The following MACROD2 variants were observed in gnomAD, a reference collection of about 807,000 sequenced individuals.
MACROD2 encodes ADP-ribose glycohydrolase MACROD2.
In MACROD2, 36 loss-of-function variants were observed where a neutral mutation model predicts 70.4. The ratio of observed to expected loss-of-function variants is 0.51; its 90% CI spans 0.39 to 0.68. MACROD2 has a LOEUF of 0.68. Ranked by LOEUF, MACROD2 falls within the 30% of genes least tolerant of loss-of-function variation. MACROD2 has a pLI of 0.00. For missense variants in MACROD2, 496 were observed against 538.4 expected (o/e 0.92, Z 0.78); for synonymous variants, 172 against 178.8 (o/e 0.96, Z 0.30).
At chr20:15,989,411 G>A (rs1254865300) in intron 15 of MACROD2, among the ~76,000 whole-genome samples, 2 of 152,164 alleles carry the variant, frequency 1.3e-5, no homozygotes, top group Non-Finnish European at 2.9e-5. Context: ...ATAGAAGGAA[G>A]CCAGGTGGAA....
intron 8 of MACROD2, among the ~76,000 whole-genome samples, chr20:15,737,580 A>ACAC (rs1257944395): frequency 6.6e-6 from 1 of 152,194 alleles, no homozygotes; most frequent in East Asian, 1.9e-4. Flanking sequence ...GTTAGCTCTT[A>ACAC]CACCGTGTCT....
chr20:14,990,309 A>T (rs567170487), intron 5 of MACROD2, among the ~76,000 whole-genome samples: 4 of 152,196 alleles, frequency 2.6e-5, no homozygotes, highest in Admixed American at 2.6e-4. Flanking sequence ...AAAAGGTGGA[A>T]CACAATTTGA....
chr20:15,108,408 T>C (rs1464847144), intron 5 of MACROD2, among the ~76,000 whole-genome samples: 1 of 152,208 alleles, frequency 6.6e-6, no homozygotes, highest in Non-Finnish European at 1.5e-5. Flanking sequence ...TATGCTTCTA[T>C]TTTAGCCAAA....
At chr20:14,965,375 C>T (rs1245557768) in intron 5 of MACROD2, among the ~76,000 whole-genome samples, 3 of 148,578 alleles carry the variant, frequency 2.0e-5, no homozygotes, top group African/African-American at 7.4e-5. Context: ...TACTTTTTTG[C>T]TGTTTCTTAA....
intron 2 of MACROD2, among the ~76,000 whole-genome samples, chr20:14,073,393 T>G (rs1027422242): frequency 3.3e-5 from 5 of 151,964 alleles, no homozygotes; most frequent in Admixed American, 6.6e-5. Flanking sequence ...TATCAACACA[T>G]TTAACTTTGG....
chr20:14,666,511 A>G (rs369517941), intron 4 of MACROD2, among the ~76,000 whole-genome samples: 38 of 152,208 alleles, frequency 2.5e-4, no homozygotes, highest in East Asian at 7.7e-4. Flanking sequence ...TCATTGTAGA[A>G]TATTTTTAAC....
At chr20:14,359,922 A>G (rs2083206145) in intron 3 of MACROD2, among the ~76,000 whole-genome samples, 1 of 151,236 alleles carries the variant, frequency 6.6e-6, no homozygotes, top group South Asian at 2.1e-4. Flanking sequence ...TTCAGCTTTG[A>G]AAAAAAAATG....
chr20:14,311,387 A>T (rs920921494), intron 3 of MACROD2, among the ~76,000 whole-genome samples: 2 of 152,166 alleles, frequency 1.3e-5, no homozygotes, highest in Non-Finnish European at 2.9e-5. Flanking sequence ...ACCATATCCT[A>T]GGTGTGTAGT....
At chr20:14,661,624 T>G (rs1200919821) in intron 4 of MACROD2, among the ~76,000 whole-genome samples, 1 of 151,936 alleles carries the variant, frequency 6.6e-6, no homozygotes, top group African/African-American at 2.4e-5. Context: ...AATCCCTTGC[T>G]GAGGCCAAGG....
At chr20:15,799,990 T>C (rs1221594077) in intron 8 of MACROD2, among the ~76,000 whole-genome samples, 1 of 152,050 alleles carries the variant, frequency 6.6e-6, no homozygotes, top group Non-Finnish European at 1.5e-5. Flanking sequence ...CTGATTGGAG[T>C]GTAGTGGTAT....
At chr20:15,057,083 A>C (rs145778553) in intron 5 of MACROD2, among the ~76,000 whole-genome samples, 1 of 152,336 alleles carries the variant, frequency 6.6e-6, no homozygotes, top group African/African-American at 2.4e-5. Flanking sequence ...TGTGTGTCTC[A>C]TTTTATGCCC....
At chr20:15,118,962 T>C (rs1380141020) in intron 5 of MACROD2, among the ~76,000 whole-genome samples, 1 of 152,188 alleles carries the variant, frequency 6.6e-6, no homozygotes, top group African/African-American at 2.4e-5. Flanking sequence ...CACATTTTCA[T>C]TCTGGGCATG....
At position 15,633,875 on chromosome 20, in the gene MACROD2, A is replaced by G. The variant is rs544407269; in HGVS notation, c.645+134028A>G. Among the ~76,000 whole-genome samples, 5 of 152,346 alleles carry G rather than the reference A, an allele frequency of 3.3e-5. No individual in the cohort carries two copies. The South Asian group carries it at 1.0e-3, about 32-fold the overall frequency. On this transcript the variant is annotated intron_variant, in intron 8 of 17. Coordinates refer to ENST00000684519, the MANE Select transcript of MACROD2 (RefSeq NM_001351661.2). ...GTTTTGTATGAATCTATTGTAAGAA[A>G]AAGTTCAACCTCTTTTGCATCTCCG...
At chr20:15,882,703 G>A (rs2064771159) in intron 9 of MACROD2, among the ~76,000 whole-genome samples, 1 of 151,988 alleles carries the variant, frequency 6.6e-6, no homozygotes. Flanking sequence ...GGTTTGTCCT[G>A]GAAGTAAACC....
At chr20:15,006,379 G>A (rs1226299521) in intron 5 of MACROD2, among the ~76,000 whole-genome samples, 3 of 151,836 alleles carry the variant, frequency 2.0e-5, no homozygotes, top group East Asian at 1.9e-4. Context: ...TTGGTCAAAG[G>A]GTACAAACTT....
At chr20:15,222,739 C>G (rs1406660313) in intron 5 of MACROD2, among the ~76,000 whole-genome samples, 2 of 152,194 alleles carry the variant, frequency 1.3e-5, no homozygotes, top group African/African-American at 4.8e-5. Flanking sequence ...GAATGTAGCG[C>G]AGTTGCTTCT....
At chr20:14,275,731 A>G (rs11699473) in intron 3 of MACROD2, among the ~76,000 whole-genome samples, 89,250 of 144,656 alleles carry the variant, frequency 0.62, 28,322 homozygotes, top group Non-Finnish European at 0.73. Context: ...CAACCTACTC[A>G]TCTGACAAAG....
chr20:15,678,176 A>G (rs1282273899), intron 8 of MACROD2, among the ~76,000 whole-genome samples: 1 of 152,204 alleles, frequency 6.6e-6, no homozygotes, highest in African/African-American at 2.4e-5. Flanking sequence ...TATAGACTTA[A>G]GATTTGAAAT....
chr20:14,594,571 A>G (rs1730462690), intron 4 of MACROD2, among the ~76,000 whole-genome samples: 1 of 152,180 alleles, frequency 6.6e-6, no homozygotes, highest in Non-Finnish European at 1.5e-5. Flanking sequence ...ATACATATGC[A>G]ATATATTATT....
Sources: allele counts gnomAD v4.1 joint callset (sites outside exome capture counted in the v4.1 genomes callset), GRCh38; gene constraint gnomAD v4.1.1; transcripts MANE v1.5; gene names NCBI Gene and HGNC (gene_info 2026-07-23, HGNC 2026-07-21).